Variants in PPP1R1C observed in about 807,000 individuals in gnomAD.
PPP1R1C encodes the protein protein phosphatase 1 regulatory inhibitor subunit 1C.
PPP1R1C carries 15 observed loss-of-function variants against 17.4 expected under a neutral mutation model. That is an observed-to-expected ratio of 0.86 (90% CI 0.58 to 1.33). PPP1R1C has a LOEUF of 1.33. PPP1R1C is among the 40% of genes most tolerant of loss of function. The pLI, the probability that PPP1R1C is intolerant of heterozygous loss-of-function variation, is 0.00. For synonymous variants in PPP1R1C, 35 were observed against 43.1 expected (o/e 0.81, Z 0.73); for missense variants, 143 against 130.0 (o/e 1.10, Z -0.48).
chr2:182,048,590 G>T (rs1687414112), intron 2 of PPP1R1C, among the ~76,000 whole-genome samples: 1 of 152,208 alleles, frequency 6.6e-6, no homozygotes, highest in Non-Finnish European at 1.5e-5. Flanking sequence ...CATGCAAAAT[G>T]AAATTGAGCT....
At chr2:182,090,880 TA>T (rs1688760963) in intron 4 of PPP1R1C, among the ~76,000 whole-genome samples, 1 of 152,134 alleles carries the variant, frequency 6.6e-6, no homozygotes, top group African/African-American at 2.4e-5. Context: ...AACCATTACT[TA>T]AAAACATAAA....
intron 2 of PPP1R1C, among the ~76,000 whole-genome samples, chr2:181,997,224 G>A (rs1382115607): frequency 4.9e-5 from 6 of 122,208 alleles, no homozygotes; most frequent in Admixed American, 9.2e-5. Flanking sequence ...GCAAGACTCC[G>A]TCTCAAAAAA....
intron 4 of PPP1R1C, among the ~76,000 whole-genome samples, chr2:182,079,862 C>A (rs1263871006): frequency 6.6e-6 from 1 of 152,158 alleles, no homozygotes; most frequent in Non-Finnish European, 1.5e-5. Context: ...CTGTCTCACT[C>A]TTCCCGTGGC....
At chr2:181,983,881 A>G (rs1240415552), upstream of PPP1R1C, among the ~76,000 whole-genome samples, 1 of 152,200 alleles carries the variant, frequency 6.6e-6, no homozygotes, top group Non-Finnish European at 1.5e-5. Context: ...ATCTTAATGG[A>G]CACACAGGAG....
intron 4 of PPP1R1C, among the ~76,000 whole-genome samples, chr2:182,089,246 C>G (rs1688715170): frequency 6.6e-6 from 1 of 152,160 alleles, no homozygotes; most frequent in South Asian, 2.1e-4. Flanking sequence ...ACTGAAAGCA[C>G]TATCAGTAGT....
chr2:182,128,638 ATGT>A (rs1689933540), intron 5 of PPP1R1C, among the ~76,000 whole-genome samples: 1 of 137,228 alleles, frequency 7.3e-6, no homozygotes, highest in South Asian at 2.3e-4. Flanking sequence ...ATGCATATGT[ATGT>A]ACGTATGTAT....
intron 2 of PPP1R1C, among the ~76,000 whole-genome samples, chr2:181,980,425 C>T (rs1244731619): frequency 6.6e-6 from 1 of 152,162 alleles, no homozygotes; most frequent in Admixed American, 6.5e-5. Context: ...TGAGCTAAAG[C>T]CTGTTTAAAA....
chr2:182,050,865 A>G (rs1369266865), intron 2 of PPP1R1C, among the ~76,000 whole-genome samples: 1 of 152,248 alleles, frequency 6.6e-6, no homozygotes, highest in Admixed American at 6.5e-5. Context: ...TACATTTCCT[A>G]GAGTATGAGT....
At chr2:182,098,574 C>T (rs1574450895) in intron 4 of PPP1R1C, among the ~76,000 whole-genome samples, 1 of 152,068 alleles carries the variant, frequency 6.6e-6, no homozygotes, top group South Asian at 2.1e-4. Context: ...TTCTAATAAT[C>T]TACTTCTTCG....
chr2:182,021,720 A>G (rs1262925854), intron 2 of PPP1R1C, among the ~76,000 whole-genome samples: 1 of 152,212 alleles, frequency 6.6e-6, no homozygotes. Flanking sequence ...TGCTCCTGAA[A>G]AGAAAAAGTA....
At chr2:182,099,176 C>T (rs770783650) in intron 4 of PPP1R1C, among the ~76,000 whole-genome samples, 1 of 152,134 alleles carries the variant, frequency 6.6e-6, no homozygotes, top group African/African-American at 2.4e-5. Context: ...AGATCATGGG[C>T]AACTCATGTA....
chr2:182,042,108 T>C (rs1196139), intron 2 of PPP1R1C, among the ~76,000 whole-genome samples: 15,653 of 152,212 alleles, frequency 0.1, 2,007 homozygotes, highest in African/African-American at 0.27. Flanking sequence ...TTGTGATAAT[T>C]GAATTATGTA....
intron 2 of PPP1R1C, among the ~76,000 whole-genome samples, chr2:182,031,561 A>G (rs376837088): frequency 3.3e-5 from 5 of 152,354 alleles, no homozygotes; most frequent in Admixed American, 2.6e-4. Context: ...AAAGAATTCA[A>G]CAATATGTTA....
In PPP1R1C at chr2:181,962,634, G is replaced by T. The variant is rs918000433; in HGVS notation, n.111+8000G>T. Among the ~76,000 whole-genome samples the T allele has an allele frequency of 2.0e-5, 3 of 152,236 alleles. No individual in the cohort carries two copies. Among genetic ancestry groups the T allele is most frequent in the East Asian group, 1.9e-4 (1 of 5,198 alleles). On this transcript the variant is annotated intron_variant and non_coding_transcript_variant, in intron 1 of 5. Transcript: ENST00000464264. This position sits in a 1 kb window ranked among gnomAD's most constrained non-coding sequence, Gnocchi z 6.0. ...CCAAGTATCAGGGCAATAAATTAAA[G>T]ACTTTATTTGAATAATCTGGGTCCC...
At chr2:181,988,220 T>C (rs957146103) in intron 2 of PPP1R1C, among the ~76,000 whole-genome samples, 1 of 152,230 alleles carries the variant, frequency 6.6e-6, no homozygotes, top group Non-Finnish European at 1.5e-5. Flanking sequence ...TGGAAAGCTG[T>C]TTAATTAGGT....
intron 2 of PPP1R1C, among the ~76,000 whole-genome samples, chr2:182,005,912 G>A (rs1291463555): frequency 6.6e-6 from 1 of 152,100 alleles, no homozygotes. Flanking sequence ...CTACTTCACA[G>A]GGTAGTTTAA....
intron 5 of PPP1R1C, among the ~76,000 whole-genome samples, chr2:182,128,442 T>C (rs896113658): frequency 1.3e-5 from 2 of 152,074 alleles, no homozygotes; most frequent in Non-Finnish European, 2.9e-5. Flanking sequence ...CTCTAAGATC[T>C]GTTTCTCCTT....
At chr2:181,981,219 T>C (rs1153749), upstream of PPP1R1C, among the ~76,000 whole-genome samples, 151,116 of 152,298 alleles carry the variant, frequency 0.99, 74,983 homozygotes, top group Middle Eastern at 1. Flanking sequence ...TGAGCCACCG[T>C]GCCCGGCCAA....
At chr2:182,071,938 G>A (rs534739013) in intron 4 of PPP1R1C, among the ~76,000 whole-genome samples, 1 of 152,164 alleles carries the variant, frequency 6.6e-6, no homozygotes, top group East Asian at 1.9e-4. Context: ...CTCATTTTAT[G>A]TATTTCTTGT....
Sources: gnomAD v4.1 joint callset for allele counts (sites outside exome capture counted in the v4.1 genomes callset) on GRCh38, gnomAD v4.1.1 for gene constraint, Gnocchi (gnomAD v3.1) non-coding constraint, MANE v1.5 for transcripts, NCBI Gene and HGNC (gene_info 2026-07-23, HGNC 2026-07-21) for gene names.